BMP6: variants seen among roughly 807,000 people sequenced by gnomAD.
BMP6 encodes bone morphogenetic protein 6, also known as VG-1-R.
Under a neutral mutation model 54.1 loss-of-function variants are expected in BMP6, and 17 were observed. The observed-to-expected ratio is 0.31, with a 90% CI of 0.22 to 0.47. The LOEUF is 0.47. Ranked by LOEUF, BMP6 falls within the 20% of genes least tolerant of loss-of-function variation. The probability of loss-of-function intolerance (pLI) is 1.00; values close to 1 mark genes in which losing one functional copy is unlikely to be tolerated. For synonymous variants in BMP6, 328 were observed against 291.2 expected (o/e 1.13, Z -1.28); for missense variants, 720 against 690.4 (o/e 1.04, Z -0.48).
chr6:7,778,408 T>C lies in BMP6; in HGVS notation c.664+50789T>C, dbSNP rs145274630. Reference sequence around the variant, plus strand: ...ATTCCTATTTTAGAGATAAGGAGACTGAGGTTTTAAAGAAGTTCAGTGCCT... The same window carrying C: ...ATTCCTATTTTAGAGATAAGGAGACCGAGGTTTTAAAGAAGTTCAGTGCCT... On this transcript the variant is annotated intron_variant, in intron 1 of 6. Transcript: ENST00000283147. Among the ~76,000 whole-genome samples the C allele has an allele frequency of 2.3e-3, 354 of 152,326 alleles. 4 individuals carry two copies. Among genetic ancestry groups the C allele is most frequent in the African/African-American group, 8.2e-3 (339 of 41,572 alleles).
Position 7,727,063 on chromosome 6 carries a change from C to CGCG in BMP6, c.110_111insGGC (p.Ala39dup), listed in dbSNP as rs1761739793. On this transcript the variant is annotated inframe_insertion, in exon 1 of 7. Coordinates refer to ENST00000283147, the MANE Select transcript of BMP6 (RefSeq NM_001718.6). Reference sequence around the variant, plus strand: ...GGCCGCCCTTGCCCGCTGCCGCGGCCGCCGCCGCCGGGGGGCAGCTGCTGG... The same window carrying CGCG: ...GGCCGCCCTTGCCCGCTGCCGCGGCCGCGGCCGCCGCCGGGGGGCAGCTGCTGG... The CGCG allele has an allele frequency of 7.5e-5, 90 of 1,197,586 alleles. No homozygotes were observed. Among genetic ancestry groups the CGCG allele is most frequent in the Admixed American group, 2.3e-4 (5 of 21,978 alleles). The allele number at this position is 1,197,586 out of a possible 1,614,324, so 74.2% of individuals were successfully genotyped here.
chr6:7,761,021 ATTAG>A (rs1446363433), intron 1 of BMP6, among the ~76,000 whole-genome samples: 2 of 152,240 alleles, frequency 1.3e-5, no homozygotes. Flanking sequence ...AATAGCACAT[ATTAG>A]TTGAACGAGG....
intron 1 of BMP6, among the ~76,000 whole-genome samples, chr6:7,825,728 A>G (rs1758686346): frequency 6.7e-6 from 1 of 148,712 alleles, no homozygotes. Flanking sequence ...CTCGAAAAAA[A>G]AAAAACAAAA....
chr6:7,777,083 C>T (rs1312238140), intron 1 of BMP6, among the ~76,000 whole-genome samples: 2 of 152,236 alleles, frequency 1.3e-5, no homozygotes, highest in Admixed American at 1.3e-4. Flanking sequence ...TTCTAAATCA[C>T]AGCCCTTAGG....
At chr6:7,865,092 A>G (rs1759398148) in intron 4 of BMP6, among the ~76,000 whole-genome samples, 1 of 152,220 alleles carries the variant, frequency 6.6e-6, no homozygotes, top group Non-Finnish European at 1.5e-5. Context: ...CAATGCACAC[A>G]CTAATGTTTT....
At chr6:7,860,240 A>T (rs1357118234) in intron 2 of BMP6, among the ~76,000 whole-genome samples, 1 of 152,240 alleles carries the variant, frequency 6.6e-6, no homozygotes, top group Admixed American at 6.5e-5. Flanking sequence ...AGAGAAGTAG[A>T]TGAAAGCACT....
At chr6:7,774,046 A>G (rs1042240685) in intron 1 of BMP6, among the ~76,000 whole-genome samples, 3 of 152,214 alleles carry the variant, frequency 2.0e-5, no homozygotes, top group Non-Finnish European at 4.4e-5. Flanking sequence ...GAGGAGGTAT[A>G]GTCCTGGGCC....
At chr6:7,834,908 C>T (rs979987720) in intron 1 of BMP6, among the ~76,000 whole-genome samples, 1 of 152,150 alleles carries the variant, frequency 6.6e-6, no homozygotes, top group Non-Finnish European at 1.5e-5. Flanking sequence ...GGCAGAGAGG[C>T]CATAATTGAT....
At chr6:7,848,065 C>T (rs922698345) in intron 2 of BMP6, among the ~76,000 whole-genome samples, 9 of 152,168 alleles carry the variant, frequency 5.9e-5, no homozygotes, top group Non-Finnish European at 1.2e-4. Context: ...CTTGCTTCTA[C>T]TTGGCTAAAT....
chr6:7,817,451 C>T (rs1427988657), intron 1 of BMP6, among the ~76,000 whole-genome samples: 1 of 152,010 alleles, frequency 6.6e-6, no homozygotes, highest in East Asian at 1.9e-4. Context: ...TAGAAACCAT[C>T]ATTCTGAGAA....
chr6:7,856,978 G>A (rs1396225053), intron 2 of BMP6, among the ~76,000 whole-genome samples: 1 of 152,172 alleles, frequency 6.6e-6, no homozygotes, highest in Non-Finnish European at 1.5e-5. Context: ...ATGGGTGTGT[G>A]GTTTGTCAGG....
At chr6:7,840,318 A>G (rs1323067754) in intron 1 of BMP6, among the ~76,000 whole-genome samples, 1 of 152,182 alleles carries the variant, frequency 6.6e-6, no homozygotes, top group Non-Finnish European at 1.5e-5. Flanking sequence ...ACCTTTGGAG[A>G]GAAGCAGTTG....
chr6:7,735,529 A>G (rs139457616), intron 1 of BMP6, among the ~76,000 whole-genome samples: 2 of 152,316 alleles, frequency 1.3e-5, no homozygotes, highest in Non-Finnish European at 2.9e-5. Flanking sequence ...TTTTATTTGT[A>G]GACTCCCATA....
chr6:7,869,256 C>A (rs1289075163), intron 4 of BMP6, among the ~76,000 whole-genome samples: 3 of 152,258 alleles, frequency 2.0e-5, no homozygotes, highest in African/African-American at 7.2e-5. Context: ...CTCTCCTGGC[C>A]TCCAGTGCCA....
chr6:7,842,631 A>G (rs1025312599), intron 1 of BMP6, among the ~76,000 whole-genome samples: 2 of 152,234 alleles, frequency 1.3e-5, no homozygotes, highest in Non-Finnish European at 2.9e-5. Flanking sequence ...AAAACAGGTC[A>G]TACAGCCAGC....
At chr6:7,793,954 T>C (rs1193958409) in intron 1 of BMP6, among the ~76,000 whole-genome samples, 1 of 152,216 alleles carries the variant, frequency 6.6e-6, no homozygotes, top group East Asian at 1.9e-4. Context: ...GCTGCTTTCA[T>C]ACTGCATGGC....
chr6:7,862,447 C>T lies in BMP6; in HGVS notation c.1153C>T (p.Arg385Cys). 6.2e-7 allele frequency: 1 copy of T among 1,614,142 alleles called. No homozygotes were observed. Among genetic ancestry groups the T allele is most frequent in the Non-Finnish European group, 8.5e-7 (1 of 1,180,042 alleles). The change falls in exon 4 of 7, where the codon CGT (arginine) becomes TGT (cysteine). Residue 385 changes from arginine to cysteine, a missense_variant. Transcript: ENST00000283147. Reference protein sequence around the residue: ...SASSRRRQQSRNRSTQSQDVA... With the variant: ...SASSRRRQQSCNRSTQSQDVA... Reference sequence around the variant, plus strand: ...CTCCAGCCGGCGCCGACAACAGAGTCGTAATCGCTCTACCCAGTCCCAGGA... The same window carrying T: ...CTCCAGCCGGCGCCGACAACAGAGTTGTAATCGCTCTACCCAGTCCCAGGA...
rs1757973692 is a variant in BMP6, at chr6:7,783,242, C to T, written c.664+55623C>T. On this transcript the variant is annotated intron_variant, in intron 1 of 6. Coordinates refer to ENST00000283147, the MANE Select transcript of BMP6 (RefSeq NM_001718.6). ...AGGAACCAGTGGAGACAGAGGAGCT[C>T]ACTCTCCAGGAGAGAGAATGGATGA... 1.3e-5 allele frequency among the ~76,000 whole-genome samples: 2 copies of T among 152,184 alleles called. 1 individual carries two copies. Among genetic ancestry groups the T allele is most frequent in the South Asian group, 4.1e-4 (2 of 4,822 alleles).
chr6:7,802,653 C>G (rs1407842953), intron 1 of BMP6, among the ~76,000 whole-genome samples: 2 of 152,150 alleles, frequency 1.3e-5, no homozygotes, highest in Non-Finnish European at 2.9e-5. Flanking sequence ...TGGGTGCTGC[C>G]ATCAGCAACA....
Sources: allele counts gnomAD v4.1 joint callset (sites outside exome capture counted in the v4.1 genomes callset), GRCh38; gene constraint gnomAD v4.1.1; transcripts MANE v1.5; gene names NCBI Gene and HGNC (gene_info 2026-07-23, HGNC 2026-07-21).